PAX7: variants seen among roughly 807,000 people sequenced by gnomAD.
PAX7 encodes paired box protein Pax-7.
Under a neutral mutation model 50.7 loss-of-function variants are expected in PAX7, and 18 were observed. That is an observed-to-expected ratio of 0.36 (90% CI 0.25 to 0.53). The LOEUF is 0.53. Ranked by LOEUF, PAX7 falls within the 20% of genes least tolerant of loss-of-function variation. The pLI is 0.93. For missense variants in PAX7, 644 were observed against 702.9 expected, an observed-to-expected ratio of 0.92 and a Z score of 0.95; for synonymous variants, 310 against 290.4, an observed-to-expected ratio of 1.07 and a Z score of -0.69.
In PAX7 at chr1:18,703,316, C is replaced by G. The variant is rs190845110; in HGVS notation, c.1155+20C>G. 1.2e-5 allele frequency: 20 copies of G among 1,606,434 alleles called. No individual in the cohort carries two copies. The East Asian group carries it at 4.5e-4, about 36-fold the overall frequency. On this transcript the variant is annotated intron_variant, in intron 7 of 8. Transcript: ENST00000420770. ...CCTCAGGTAGGTGGTCTCAGCCCAG[C>G]ACCCAGGATCCCACCGCCACGAAAG...
chr1:18,681,990 G>T (rs1178377006), intron 4 of PAX7, among the ~76,000 whole-genome samples: 1 of 152,050 alleles, frequency 6.6e-6, no homozygotes, highest in Non-Finnish European at 1.5e-5. Flanking sequence ...CACCCACCTT[G>T]GCCTCCCAAA....
chr1:18,724,390 G>GAGCCCC (rs2089530451), intron 7 of PAX7, among the ~76,000 whole-genome samples: 1 of 152,242 alleles, frequency 6.6e-6, no homozygotes, highest in African/African-American at 2.4e-5. Flanking sequence ...ACCATCAGCA[G>GAGCCCC]AGCCCCAACA....
intron 4 of PAX7, 22 bp from the exon 5 acceptor site, chr1:18,691,732 C>T (rs773092182): frequency 1.4e-5 from 21 of 1,553,736 alleles, no homozygotes; most frequent in Non-Finnish European, 1.7e-5. Context: ...CTGCCTTCTC[C>T]CTCCCTCTCC....
chr1:18,631,760 C>A, intron 1 of PAX7, 72 bp downstream of exon 1: 2 of 1,268,766 alleles, frequency 1.6e-6, no homozygotes, highest in Non-Finnish European at 1.1e-6. Flanking sequence ...AGGCTGCGGT[C>A]TCCAGGGGAC....
chr1:18,679,424 C>T (rs556317498), intron 4 of PAX7, among the ~76,000 whole-genome samples: 5 of 152,274 alleles, frequency 3.3e-5, no homozygotes, highest in East Asian at 1.9e-4. Flanking sequence ...CTTTGTGGGG[C>T]GCGGATGGGT....
In PAX7 at chr1:18,700,889, A is replaced by C; in HGVS notation, c.952+71A>C. 1 of 1,270,408 alleles carries C rather than the reference A, an allele frequency of 7.9e-7. No individual in the cohort carries two copies. Among genetic ancestry groups the C allele is most frequent in the South Asian group, 2.0e-5 (1 of 49,268 alleles). The allele number at this position is 1,270,408 out of a possible 1,614,324, so 78.7% of individuals were successfully genotyped here. ...CTTCTTTCTTTACTTTCACTTACAA[A>C]GGCTCTTCTTTTTTTTATGACCATT... On this transcript the variant is annotated intron_variant, in intron 6 of 8. Transcript: ENST00000420770. This position sits in a 1 kb window ranked among gnomAD's most constrained non-coding sequence, Gnocchi z 4.8.
At chr1:18,653,050 A>G (rs2100460661) in intron 4 of PAX7, among the ~76,000 whole-genome samples, 1 of 152,318 alleles carries the variant, frequency 6.6e-6, no homozygotes, top group Middle Eastern at 3.4e-3. Flanking sequence ...GTGCTTTTGC[A>G]GGCACTGACT....
Position 18,632,963 on chromosome 1 carries a change from G to T in PAX7, c.85+1275G>T, listed in dbSNP as rs1333785899. ...TAGAACAATATTTGCCCAACATGAC[G>T]CAGAATACTGAGGAGAGCCGAGTGC... On this transcript the variant is annotated intron_variant, in intron 1 of 8. Coordinates refer to ENST00000420770, the MANE Select transcript of PAX7 (RefSeq NM_001135254.2). This position sits in a 1 kb window ranked among gnomAD's most constrained non-coding sequence, Gnocchi z 6.3. Among the ~76,000 whole-genome samples the T allele has an allele frequency of 2.0e-5, 3 of 152,238 alleles. No homozygotes were observed. Among genetic ancestry groups the T allele is most frequent in the Admixed American group, 2.0e-4 (3 of 15,282 alleles).
chr1:18,682,018 G>A (rs948966720), intron 4 of PAX7, among the ~76,000 whole-genome samples: 1 of 152,186 alleles, frequency 6.6e-6, no homozygotes, highest in Non-Finnish European at 1.5e-5. Context: ...GATTACAGGT[G>A]TGGGCCACTA....
intron 7 of PAX7, among the ~76,000 whole-genome samples, chr1:18,722,482 T>C (rs1351706812): frequency 6.6e-6 from 1 of 152,180 alleles, no homozygotes; most frequent in African/African-American, 2.4e-5. Flanking sequence ...GCTGCCTTTA[T>C]CAAATGGGGA....
chr1:18,741,183 T>C (rs1241842507), intron 8 of PAX7, among the ~76,000 whole-genome samples: 1 of 152,198 alleles, frequency 6.6e-6, no homozygotes, highest in Admixed American at 6.5e-5. Flanking sequence ...GCATGGTGGC[T>C]CACACCTGTC....
At chr1:18,743,190 C>T (rs1931242978) in intron 8 of PAX7, among the ~76,000 whole-genome samples, 1 of 152,236 alleles carries the variant, frequency 6.6e-6, no homozygotes, top group South Asian at 2.1e-4. Context: ...ATAACAGCTC[C>T]TCAGATAGCT....
chr1:18,703,331 C>T (rs1448738193), intron 7 of PAX7, 35 bp downstream of exon 7: 3 of 1,590,692 alleles, frequency 1.9e-6, no homozygotes, highest in South Asian at 1.1e-5. Context: ...AGGATCCCAC[C>T]GCCACGAAAG....
chr1:18,681,469 G>A (rs1457913689), intron 4 of PAX7, among the ~76,000 whole-genome samples: 1 of 152,148 alleles, frequency 6.6e-6, no homozygotes, highest in African/African-American at 2.4e-5. Flanking sequence ...CGAGAATACA[G>A]GGCTCTGAAT....
intron 4 of PAX7, among the ~76,000 whole-genome samples, chr1:18,650,674 C>T (rs898785973): frequency 6.6e-6 from 1 of 152,214 alleles, no homozygotes; most frequent in Non-Finnish European, 1.5e-5. Flanking sequence ...TCATGCAACA[C>T]CTTTTTTTAT....
At chr1:18,647,677 A>C in intron 4 of PAX7, among the ~76,000 whole-genome samples, 1 of 152,198 alleles carries the variant, frequency 6.6e-6, no homozygotes. Context: ...CGTAAAGTAC[A>C]GGGCAAACTG....
intron 7 of PAX7, among the ~76,000 whole-genome samples, chr1:18,730,761 G>A (rs2089635784): frequency 6.6e-6 from 1 of 151,934 alleles, no homozygotes; most frequent in Admixed American, 6.5e-5. Context: ...AGGGGGCGGT[G>A]AGCAGAGGCT....
intron 4 of PAX7, among the ~76,000 whole-genome samples, chr1:18,667,901 T>C (rs1485447151): frequency 6.6e-6 from 1 of 152,104 alleles, no homozygotes; most frequent in Non-Finnish European, 1.5e-5. Flanking sequence ...AATCCTCCCT[T>C]TCCTCTGAGG....
chr1:18,684,581 G>A (rs373439626), intron 4 of PAX7, among the ~76,000 whole-genome samples: 7 of 152,334 alleles, frequency 4.6e-5, no homozygotes, highest in African/African-American at 1.2e-4. Flanking sequence ...CCATGGTCCC[G>A]GCTTGCCGGG....
Sources: allele counts gnomAD v4.1 joint callset (sites outside exome capture counted in the v4.1 genomes callset), GRCh38; gene constraint gnomAD v4.1.1; non-coding constraint Gnocchi (gnomAD v3.1); transcripts MANE v1.5; gene names NCBI Gene and HGNC (gene_info 2026-07-23, HGNC 2026-07-21).